The following CASP4 variants were observed in gnomAD, a reference collection of about 807,000 sequenced individuals.
CASP4 encodes caspase 4.
Under a neutral mutation model 41.3 loss-of-function variants are expected in CASP4, and 29 were observed. The observed-to-expected ratio is 0.70, with a 90% CI of 0.52 to 0.96. The LOEUF is 0.96. CASP4 is among the 40% of genes least tolerant of loss of function. The pLI is 0.00. For missense variants in CASP4, 447 were observed against 460.6 expected (o/e 0.97, Z 0.27); for synonymous variants, 185 against 158.4 (o/e 1.17, Z -1.26).
At chr11:104,943,326 C>T (rs754186865) in intron 8 of CASP4, 33 of 234,180 alleles carry the variant, frequency 1.4e-4, no homozygotes, top group Non-Finnish European at 2.5e-4. Context: ...CACACTGTCT[C>T]ATTGCAGTTC....
rs1261181336 is a variant in CASP4 at position 104,951,969 on chromosome 11, C to T, written c.299G>A (p.Gly100Glu). ...AAGCTTGAGGGCATCTGTAGATTCT[C>T]CTGACTCAGGTGGTCCAGCCTCCAT... ...PNMEAGPPES[G>E]ESTDALKLCP... Residue 100 changes from glycine (G) to glutamate (E), a missense_variant, in exon 3 of 9, where the codon GGA becomes GAA. By Grantham distance (98) the Gly-to-Glu change is moderately conservative. Transcript: ENST00000444739. The T allele has an allele frequency of 1.2e-6, 2 of 1,612,802 alleles. No individual in the cohort carries two copies. The highest frequency in any genetic ancestry group is 1.7e-6 in the Non-Finnish European group (2 of 1,179,298).
chr11:104,944,868 G>T lies in CASP4; in HGVS notation c.1036-17C>A, dbSNP rs751993654. 4.0e-5 allele frequency: 60 copies of T among 1,508,230 alleles called. 1 individual carries two copies. In the Admixed American group the frequency reaches 9.7e-4, roughly 24 times the overall value. The allele number at this position is 1,508,230 out of a possible 1,614,324, so 93.4% of individuals were successfully genotyped here. A position where few individuals can be genotyped will look rare whatever the true frequency, so the allele number is the denominator to read the frequency against. On this transcript the variant is annotated splice_polypyrimidine_tract_variant and intron_variant, in intron 7 of 8. Transcript: ENST00000444739. ...TTGCTGTACCTGAAAAAGAAAATAGGCTGTAGATGAGATACGACTCTTTTC... is the reference window on the plus strand; with the variant it reads ...TTGCTGTACCTGAAAAAGAAAATAGTCTGTAGATGAGATACGACTCTTTTC...
chr11:104,945,847 C>CT (rs1002753661), intron 7 of CASP4, among the ~76,000 whole-genome samples: 115 of 151,240 alleles, frequency 7.6e-4, no homozygotes, highest in African/African-American at 2.2e-3. Flanking sequence ...CACTACTTTT[C>CT]TTTCTTTTTC....
At chr11:104,946,224 A>G (rs755796886) in intron 7 of CASP4, among the ~76,000 whole-genome samples, 3 of 152,072 alleles carry the variant, frequency 2.0e-5, no homozygotes, top group Non-Finnish European at 4.4e-5. Flanking sequence ...TACAATTTTT[A>G]CTTTATTAAT....
At chr11:104,959,947 C>T (rs578015432) in intron 1 of CASP4, among the ~76,000 whole-genome samples, 7 of 152,240 alleles carry the variant, frequency 4.6e-5, no homozygotes, top group Admixed American at 1.3e-4. Context: ...ATCTACTCTC[C>T]GTCCCTCTAT....
At position 104,951,978 on chromosome 11, in the gene CASP4, G is replaced by C; in HGVS notation, c.290C>G (p.Pro97Arg). ...GGCATCTGTAGATTCTCCTGACTCA[G>C]GTGGTCCAGCCTCCATATTCGGATG... is the stretch of plus-strand genomic sequence containing the variant. ...KAHPNMEAGP[P>R]ESGESTDALK... The change falls in exon 3 of 9, where the codon CCT (proline) becomes CGT (arginine). Residue 97 changes from proline (P) to arginine (R), a missense_variant. Coordinates refer to ENST00000444739, the MANE Select transcript of CASP4 (RefSeq NM_001225.4). 6.2e-7 allele frequency: 1 copy of C among 1,612,292 alleles called. No homozygotes were observed. Among genetic ancestry groups the C allele is most frequent in the Middle Eastern group, 1.7e-4 (1 of 6,056 alleles).
chr11:104,966,563 G>T (rs1387945981), intron 1 of CASP4, among the ~76,000 whole-genome samples: 2 of 152,206 alleles, frequency 1.3e-5, no homozygotes, highest in Non-Finnish European at 2.9e-5. Flanking sequence ...AGACCTGAAG[G>T]ACTGGTAGGA....
chr11:104,957,050 GA>G (rs1860752136), intron 1 of CASP4, among the ~76,000 whole-genome samples: 1 of 152,014 alleles, frequency 6.6e-6, no homozygotes, highest in Non-Finnish European at 1.5e-5. Context: ...ACGTAGTTCT[GA>G]CCAGAGCAAT....
At chr11:104,965,878 G>A (rs183385036) in intron 1 of CASP4, among the ~76,000 whole-genome samples, 1 of 152,202 alleles carries the variant, frequency 6.6e-6, no homozygotes, top group African/African-American at 2.4e-5. Context: ...GCACTCAATG[G>A]ATCAGCTGAC....
intron 1 of CASP4, among the ~76,000 whole-genome samples, chr11:104,960,178 C>T (rs1860826047): frequency 6.6e-6 from 1 of 152,126 alleles, no homozygotes; most frequent in Admixed American, 6.6e-5. Context: ...TGTTTTCCTA[C>T]TGCTGTCTGT....
rs757082744 is a variant in CASP4 at position 104,951,998 on chromosome 11, C to T, written c.270G>A (p.Pro90=). 3.5e-5 allele frequency: 56 copies of T among 1,600,714 alleles called. No individual in the cohort carries two copies. The highest frequency in any genetic ancestry group is 6.7e-5 in the East Asian group (3 of 44,806). ...DQISPNKKAH[P]NMEAGPPESG... ...ACTCAGGTGGTCCAGCCTCCATATT[C>T]GGATGAGCTGCAGGATATTGCAGAA... Residue 90 remains proline (P), a synonymous_variant, in exon 3 of 9, where the codon CCG becomes CCA. Transcript: ENST00000444739.
chr11:104,958,941 A>G (rs1224956876), intron 1 of CASP4, among the ~76,000 whole-genome samples: 1 of 131,394 alleles, frequency 7.6e-6, no homozygotes, highest in Non-Finnish European at 1.6e-5. Flanking sequence ...AGCCTAGGCA[A>G]CAGAGTGAGA....
At chr11:104,946,928 T>C in intron 7 of CASP4, 155 bp downstream of exon 7, 1 of 576,742 alleles carries the variant, frequency 1.7e-6, no homozygotes, top group Admixed American at 3.0e-5. Flanking sequence ...TGGAATTGTC[T>C]TTTCCTTAGC....
intron 7 of CASP4, among the ~76,000 whole-genome samples, chr11:104,945,845 T>C (rs571052173): frequency 4.6e-5 from 7 of 152,058 alleles, no homozygotes; most frequent in African/African-American, 1.7e-4. Context: ...TTCACTACTT[T>C]TCTTTCTTTT....
chr11:104,959,667 TC>T (rs1860814774), intron 1 of CASP4, among the ~76,000 whole-genome samples: 1 of 152,206 alleles, frequency 6.6e-6, no homozygotes. Flanking sequence ...GATGAACTGT[TC>T]ATTTTTTCAT....
chr11:104,944,671 CATTT>C (rs762565264), intron 8 of CASP4, 73 bp downstream of exon 8: 9 of 918,860 alleles, frequency 9.8e-6, no homozygotes, highest in Non-Finnish European at 1.6e-5. Flanking sequence ...ACTCAGCTGT[CATTT>C]GTCATTGAAC....
At chr11:104,956,440 CAT>C (rs1860738847) in intron 1 of CASP4, among the ~76,000 whole-genome samples, 1 of 151,960 alleles carries the variant, frequency 6.6e-6, no homozygotes, top group Non-Finnish European at 1.5e-5. Flanking sequence ...CCATATAAAA[CAT>C]ATATTAACCT....
intron 3 of CASP4, chr11:104,951,629 A>G (rs1860614947): frequency 4.1e-6 from 2 of 486,050 alleles, no homozygotes; most frequent in Non-Finnish European, 7.5e-6. Flanking sequence ...TACAATTGCC[A>G]TAAAATCCAA....
intron 1 of CASP4, 76 bp from the exon 2 acceptor site, chr11:104,955,077 A>G (rs1471275702): frequency 1.5e-6 from 2 of 1,366,102 alleles, no homozygotes; most frequent in East Asian, 2.3e-5. Flanking sequence ...ATATAGTTCT[A>G]TAATGTGAAA....
Sources: gnomAD v4.1 joint callset for allele counts (sites outside exome capture counted in the v4.1 genomes callset) on GRCh38, gnomAD v4.1.1 for gene constraint, MANE v1.5 for transcripts, NCBI Gene and HGNC (gene_info 2026-07-23, HGNC 2026-07-21) for gene names.